NR4A1: variants seen among roughly 807,000 people sequenced by gnomAD.
NR4A1 encodes the protein nuclear receptor subfamily 4 group A member 1.
Under a neutral mutation model 47.5 loss-of-function variants are expected in NR4A1, and 24 were observed. That is an observed-to-expected ratio of 0.50 (90% CI 0.37 to 0.71). The LOEUF is 0.71. Among genes scored for constraint, NR4A1 ranks in the 30% least tolerant of loss-of-function variants. The pLI is 0.00. For missense variants in NR4A1, 669 were observed against 788.6 expected (o/e 0.85, Z 1.82); for synonymous variants, 353 against 345.7 (o/e 1.02, Z -0.24).
At chr12:52,051,238 C>T (rs886811809), upstream of NR4A1, among the ~76,000 whole-genome samples, 2 of 152,056 alleles carry the variant, frequency 1.3e-5, no homozygotes, top group African/African-American at 4.8e-5. Flanking sequence ...GCGTCACGCG[C>T]GCAGACATTC....
At chr12:52,040,435 A>G (rs1333540203) in intron 1 of NR4A1, among the ~76,000 whole-genome samples, 2 of 152,028 alleles carry the variant, frequency 1.3e-5, no homozygotes, top group African/African-American at 4.8e-5. Flanking sequence ...GAGAAAAGAC[A>G]AAGCTGGGGG....
chr12:52,058,409 GA>G (rs1356671663), intron 6 of NR4A1: 3 of 483,218 alleles, frequency 6.2e-6, no homozygotes, highest in African/African-American at 5.9e-5. Flanking sequence ...GATCTAGCCA[GA>G]AAACGTAGGT....
At chr12:52,041,990 G>A in intron 2 of NR4A1, 2 of 1,268,802 alleles carry the variant, frequency 1.6e-6, no homozygotes, top group Admixed American at 3.7e-5. Flanking sequence ...GGGGGCAGAG[G>A]TGGGGGTGGA....
At chr12:52,041,121 TCTC>T (rs371351539) in intron 1 of NR4A1, among the ~76,000 whole-genome samples, 110 of 152,284 alleles carry the variant, frequency 7.2e-4, no homozygotes, top group African/African-American at 1.9e-3. Flanking sequence ...TCATTGAACT[TCTC>T]CTAATATTGA....
chr12:52,028,284 C>T (rs1397370893), intron 1 of NR4A1, among the ~76,000 whole-genome samples: 1 of 151,108 alleles, frequency 6.6e-6, no homozygotes, highest in Non-Finnish European at 1.5e-5. Flanking sequence ...TTTAAGATAC[C>T]TGCTTAAGGG....
Position 52,056,176 on chromosome 12 carries a change from C to T in NR4A1, c.1006+17C>T, listed in dbSNP as rs200967085. The T allele has an allele frequency of 3.2e-4, 511 of 1,582,654 alleles. 5 individuals carry two copies. In the East Asian group the frequency reaches 0.01, roughly 31 times the overall value. ...TGAAGGAAGGTGTGTGGCTGGGGTGCGGCCCAGCGGGGCAAGGGTAGGCTT... is the reference window on the plus strand; with the variant it reads ...TGAAGGAAGGTGTGTGGCTGGGGTGTGGCCCAGCGGGGCAAGGGTAGGCTT... On this transcript the variant is annotated intron_variant, in intron 3 of 6. Transcript: ENST00000394825.
intron 2 of NR4A1, chr12:52,042,004 G>C: frequency 8.1e-7 from 1 of 1,241,506 alleles, no homozygotes; most frequent in Non-Finnish European, 1.0e-6. Flanking sequence ...GGGTGGAGCT[G>C]CCCAAAGCGG....
At chr12:52,053,761 G>T (rs1313757127) in intron 1 of NR4A1, 2 of 154,420 alleles carry the variant, frequency 1.3e-5, no homozygotes, top group African/African-American at 4.8e-5. Context: ...TTAGGCAGGT[G>T]GGCTTTCACT....
Position 52,058,797 on chromosome 12 carries a change from C to T in NR4A1, c.1650C>T (p.Ser550=). Residue 550 remains serine (S), a synonymous_variant, in exon 7 of 7, where the codon AGC becomes AGT. Coordinates refer to ENST00000394825, the MANE Select transcript of NR4A1 (RefSeq NM_173157.3). The part of the protein sequence containing the change: ...AAVAGEPQPA[S]CLSRLLGKLP... ...TGGCGGGCGAGCCCCAGCCAGCCAG[C>T]TGCCTGTCACGTCTGTTGGGCAAAC... 6.2e-7 allele frequency: 1 copy of T among 1,613,116 alleles called. No homozygotes were observed. Among genetic ancestry groups the T allele is most frequent in the Non-Finnish European group, 8.5e-7 (1 of 1,179,848 alleles).
In NR4A1 at chr12:52,055,093, C is replaced by T; in HGVS notation, c.765C>T (p.Ala255=). 6.2e-7 allele frequency: 1 copy of T among 1,614,244 alleles called. No individual in the cohort carries two copies. The highest frequency in any genetic ancestry group is 8.5e-7 in the Non-Finnish European group (1 of 1,180,050). ...ATACACCCGTGACCTCAACCAAGGC[C>T]CGGAGCGGGGCCCCAGGTGGAAGTG... The part of the protein sequence containing the change: ...ILDTPVTSTK[A]RSGAPGGSEG... The change falls in exon 2 of 7, where the codon GCC becomes GCT. Residue 255 remains alanine, a synonymous_variant. Coordinates refer to ENST00000394825, the MANE Select transcript of NR4A1 (RefSeq NM_173157.3).
intron 2 of NR4A1, chr12:52,043,870 G>A (rs751343407): frequency 1.6e-5 from 21 of 1,289,090 alleles, no homozygotes; most frequent in Non-Finnish European, 4.0e-6. Context: ...GGTTGTCTGG[G>A]ACCTTTTTCC....
intron 6 of NR4A1, chr12:52,058,479 T>G: frequency 1.6e-6 from 1 of 610,602 alleles, no homozygotes; most frequent in African/African-American, 1.9e-5. Context: ...GGGCCTCGGG[T>G]TCTCACTTGG....
At position 52,058,952 on chromosome 12, in the gene NR4A1, C is replaced by CT; in HGVS notation, c.*9dup. The CT allele has an allele frequency of 1.2e-6, 2 of 1,606,984 alleles. No individual in the cohort carries two copies. Among genetic ancestry groups the CT allele is most frequent in the Non-Finnish European group, 1.7e-6 (2 of 1,174,568 alleles). On this transcript the variant is annotated 3_prime_UTR_variant, in exon 7 of 7. Transcript: ENST00000394825. ...GACACGCTGCCCTTCTGACCCCTGC[C>CT]TGGGAACACGTGTGCACATGCGCAC...
rs143899587 is a variant in NR4A1 at position 52,042,060 on chromosome 12, G to A, written c.37+131G>A. On this transcript the variant is annotated intron_variant, in intron 2 of 7. Transcript: ENST00000360284. Reference sequence around the variant, plus strand: ...GGGAAGCCCTGGGGAGGTGGCAGCCGAGGTGCTGTTCAGTGTGCGGGATCT... The same window carrying A: ...GGGAAGCCCTGGGGAGGTGGCAGCCAAGGTGCTGTTCAGTGTGCGGGATCT... The A allele has an allele frequency of 9.7e-4, 1,027 of 1,062,714 alleles. 8 individuals are homozygous for A. In the African/African-American group the frequency reaches 0.016, roughly 16 times the overall value. 65.8% of individuals were successfully genotyped at this position (1,062,714 alleles called of 1,614,324 possible).
chr12:52,047,929 T>G (rs575063668), upstream of NR4A1, among the ~76,000 whole-genome samples: 71 of 148,002 alleles, frequency 4.8e-4, no homozygotes, highest in Non-Finnish European at 9.2e-4. Flanking sequence ...CCAAGGCGGG[T>G]GGATCACGAG....
intron 1 of NR4A1, chr12:52,038,517 G>C: frequency 1.8e-6 from 1 of 555,240 alleles, no homozygotes; most frequent in Non-Finnish European, 3.2e-6. Context: ...GAGGTTGGTA[G>C]GTTCACAACA....
chr12:52,055,045 C>G lies in NR4A1; in HGVS notation c.717C>G (p.His239Gln), dbSNP rs1418332337. The change falls in exon 2 of 7, where the codon CAC becomes CAG. Residue 239 changes from histidine to glutamine, a missense_variant. Coordinates refer to ENST00000394825, the MANE Select transcript of NR4A1 (RefSeq NM_173157.3). ...CAGGTTTGGCACCCACTTCTCCACA[C>G]CTTGAGGGCTCGGGGATACTGGATA... Reference protein sequence around the residue: ...AFPGLAPTSPHLEGSGILDTP... With the variant: ...AFPGLAPTSPQLEGSGILDTP... 1 of 1,614,262 alleles carries G rather than the reference C, an allele frequency of 6.2e-7. No homozygotes were observed.
At chr12:52,055,449 G>A in intron 2 of NR4A1, 1 of 603,828 alleles carries the variant, frequency 1.7e-6, no homozygotes, top group Non-Finnish European at 2.9e-6. Context: ...GTGAGATAGG[G>A]GCAGATAGGA....
At chr12:52,041,731 C>G in intron 1 of NR4A1, 3 of 1,240,572 alleles carry the variant, frequency 2.4e-6, no homozygotes, top group Middle Eastern at 2.1e-4. Context: ...CCCATTCCTG[C>G]GTGTCCTGGG....
Sources: gnomAD v4.1 joint callset for allele counts (sites outside exome capture counted in the v4.1 genomes callset) on GRCh38, gnomAD v4.1.1 for gene constraint, MANE v1.5 for transcripts, NCBI Gene and HGNC (gene_info 2026-07-23, HGNC 2026-07-21) for gene names.